Variants in VWA8 observed in about 807,000 individuals in gnomAD.
The protein encoded by VWA8 is von Willebrand factor A domain-containing protein 8.
Under a neutral mutation model 241.5 loss-of-function variants are expected in VWA8, and 221 were observed. The observed-to-expected ratio is 0.91, with a 90% confidence interval of 0.82 to 1.02. VWA8 has a LOEUF of 1.02. Ranked by LOEUF, VWA8 falls within the 50% of genes least tolerant of loss-of-function variation. VWA8 has a pLI of 0.00. For missense variants in VWA8, 2,322 were observed against 2,328.7 expected, an observed-to-expected ratio of 1.00 and a Z score of 0.06; for synonymous variants, 852 against 827.1, an observed-to-expected ratio of 1.03 and a Z score of -0.52.
At chr13:41,844,780 T>C (rs1476195723) in intron 12 of VWA8, among the ~76,000 whole-genome samples, 1 of 147,486 alleles carries the variant, frequency 6.8e-6, no homozygotes, top group African/African-American at 2.6e-5. Context: ...AACACATTCC[T>C]ATTTACAATA....
At chr13:41,615,292 A>C (rs1011667124) in intron 37 of VWA8, among the ~76,000 whole-genome samples, 42 of 152,214 alleles carry the variant, frequency 2.8e-4, no homozygotes, top group Non-Finnish European at 4.4e-4. Flanking sequence ...TAATTTTTTA[A>C]AAAACTCTTA....
At chr13:41,707,178 A>G (rs1373290624) in intron 26 of VWA8, among the ~76,000 whole-genome samples, 1 of 152,250 alleles carries the variant, frequency 6.6e-6, no homozygotes, top group African/African-American at 2.4e-5. Flanking sequence ...AATTCATAAC[A>G]TGATGCATAT....
chr13:41,936,445 T>C (rs188523751), intron 2 of VWA8, among the ~76,000 whole-genome samples: 262 of 152,344 alleles, frequency 1.7e-3, no homozygotes, highest in Middle Eastern at 6.8e-3. Context: ...CTCTATCATT[T>C]GTGTTATATA....
chr13:41,805,009 C>T (rs1566464137), intron 17 of VWA8, among the ~76,000 whole-genome samples: 1 of 152,026 alleles, frequency 6.6e-6, no homozygotes, highest in African/African-American at 2.4e-5. Flanking sequence ...AAAGAGAAGA[C>T]CATAAAGCAA....
chr13:41,705,370 A>T (rs1432809865), intron 26 of VWA8, among the ~76,000 whole-genome samples: 1 of 152,192 alleles, frequency 6.6e-6, no homozygotes, highest in Non-Finnish European at 1.5e-5. Flanking sequence ...AATGTAATAA[A>T]AATACATTTC....
chr13:41,662,036 T>C (rs899503572), intron 37 of VWA8, among the ~76,000 whole-genome samples: 3 of 152,240 alleles, frequency 2.0e-5, no homozygotes, highest in African/African-American at 7.2e-5. Context: ...TCTTGATTAT[T>C]GTAGTTTTAT....
chr13:41,582,495 T>C (rs992624363), intron 42 of VWA8, among the ~76,000 whole-genome samples: 1 of 152,136 alleles, frequency 6.6e-6, no homozygotes, highest in African/African-American at 2.4e-5. Flanking sequence ...TTAAGAACTG[T>C]CTGGAACTGG....
chr13:41,643,657 T>C (rs1257713364), intron 37 of VWA8, among the ~76,000 whole-genome samples: 1 of 152,216 alleles, frequency 6.6e-6, no homozygotes, highest in Non-Finnish European at 1.5e-5. Context: ...AGTTGCTTGG[T>C]ATGTCCCTTA....
Position 41,922,186 on chromosome 13 carries a change from C to T in VWA8, c.242-10018G>A, listed in dbSNP as rs938213503. Among the ~76,000 whole-genome samples, 14 of 152,176 alleles carry T rather than the reference C, an allele frequency of 9.2e-5. No individual in the cohort carries two copies. In the East Asian group the frequency reaches 2.1e-3, roughly 23 times the overall value. ...CTGACAAAAACAAGAAATGGGGAAACGATTCCCTATTTAATAAATGGTGCT... is the reference window on the plus strand; with the variant it reads ...CTGACAAAAACAAGAAATGGGGAAATGATTCCCTATTTAATAAATGGTGCT... On this transcript the variant is annotated intron_variant, in intron 2 of 44. Coordinates refer to ENST00000379310, the MANE Select transcript of VWA8 (RefSeq NM_015058.2).
In VWA8 at chr13:41,885,017, T is replaced by TGGACC. The variant is rs1874453797; in HGVS notation, c.975+902_975+903insGGTCC. On this transcript the variant is annotated intron_variant, in intron 8 of 44. Transcript: ENST00000379310. ...CTCCTCCACAGGGTCTCACTGAGTG[T>TGGACC]TACAAAAGCTTCCTAGTCATTCCCT... is the stretch of plus-strand genomic sequence containing the variant. Among the ~76,000 whole-genome samples, 7 of 152,286 alleles carry TGGACC rather than the reference T, an allele frequency of 4.6e-5. No homozygotes were observed. The South Asian group carries it at 1.5e-3, about 32-fold the overall frequency.
chr13:41,847,059 A>G (rs1224401408), intron 12 of VWA8, among the ~76,000 whole-genome samples: 1 of 152,190 alleles, frequency 6.6e-6, no homozygotes, highest in East Asian at 1.9e-4. Context: ...AATTTCCACA[A>G]TTTATTCATT....
At chr13:41,799,711 T>G (rs1462395809) in intron 17 of VWA8, among the ~76,000 whole-genome samples, 4 of 152,224 alleles carry the variant, frequency 2.6e-5, no homozygotes, top group African/African-American at 7.2e-5. Context: ...GATATCATTA[T>G]TATTCTCCTT....
intron 42 of VWA8, among the ~76,000 whole-genome samples, chr13:41,577,670 G>C (rs190089112): frequency 2.7e-4 from 41 of 152,322 alleles, no homozygotes; most frequent in African/African-American, 9.4e-4. Flanking sequence ...TGCCAGGCAG[G>C]TTGCTTTCAT....
At chr13:41,598,122 A>G (rs187645669) in intron 40 of VWA8, among the ~76,000 whole-genome samples, 2 of 152,266 alleles carry the variant, frequency 1.3e-5, no homozygotes, top group African/African-American at 2.4e-5. Context: ...TAAGAACTAT[A>G]TTAGAAAGAA....
intron 43 of VWA8, among the ~76,000 whole-genome samples, chr13:41,573,873 C>T (rs1032483447): frequency 1.3e-5 from 2 of 152,170 alleles, no homozygotes; most frequent in African/African-American, 2.4e-5. Flanking sequence ...CTGCCCGCCT[C>T]GGCCTCCCGG....
At chr13:41,922,795 G>C (rs1362575771) in intron 2 of VWA8, among the ~76,000 whole-genome samples, 1 of 152,244 alleles carries the variant, frequency 6.6e-6, no homozygotes, top group African/African-American at 2.4e-5. Context: ...ACAGGTTCTA[G>C]AGAGGATGTG....
intron 2 of VWA8, chr13:41,926,205 C>G: frequency 1.5e-6 from 1 of 686,878 alleles, no homozygotes; most frequent in South Asian, 1.7e-5. Context: ...TGAGATCACA[C>G]TGCTGTCTCC....
intron 12 of VWA8, among the ~76,000 whole-genome samples, chr13:41,854,632 A>G (rs1593819182): frequency 1.3e-5 from 2 of 152,124 alleles, no homozygotes; most frequent in African/African-American, 2.4e-5. Context: ...AAAGTCTTAT[A>G]TCGTAATTTA....
intron 37 of VWA8, among the ~76,000 whole-genome samples, chr13:41,626,417 TC>T (rs2044691607): frequency 1.3e-5 from 2 of 152,036 alleles, no homozygotes; most frequent in Admixed American, 1.3e-4. Context: ...TAGAAAAGGC[TC>T]TTTTAAAATT....
Sources: gnomAD v4.1 joint callset for allele counts (sites outside exome capture counted in the v4.1 genomes callset) on GRCh38, gnomAD v4.1.1 for gene constraint, MANE v1.5 for transcripts, NCBI Gene and HGNC (gene_info 2026-07-23, HGNC 2026-07-21) for gene names.